Variants in ZBTB38 observed in about 807,000 individuals in gnomAD.
ZBTB38 encodes the protein zinc finger and BTB domain containing 38.
Under a neutral mutation model 76.8 loss-of-function variants are expected in ZBTB38, and 20 were observed. The ratio of observed to expected loss-of-function variants is 0.26; its 90% CI spans 0.18 to 0.38. The LOEUF (loss-of-function observed/expected upper bound fraction) is 0.38. ZBTB38 is among the 10% of genes least tolerant of loss of function. ZBTB38 has a pLI of 1.00. For synonymous variants in ZBTB38, 504 were observed against 544.2 expected (o/e 0.93, Z 1.03); for missense variants, 1,082 against 1,482.3 (o/e 0.73, Z 4.43).
At chr3:141,422,124 T>C (rs1446663205) in intron 5 of ZBTB38, among the ~76,000 whole-genome samples, 1 of 152,220 alleles carries the variant, frequency 6.6e-6, no homozygotes, top group Non-Finnish European at 1.5e-5. Context: ...CTAGCCTCCT[T>C]ACTAAGCCCA....
intron 1 of ZBTB38, among the ~76,000 whole-genome samples, chr3:141,351,691 G>T (rs1943519220): frequency 7.1e-6 from 1 of 140,690 alleles, no homozygotes. Context: ...CTGCACTCCA[G>T]CCTGGGTAAC....
rs373567561 is a variant in ZBTB38 at position 141,445,269 on chromosome 3, G to A, written c.2881G>A (p.Ala961Thr). 1.5e-5 allele frequency: 24 copies of A among 1,614,180 alleles called. No individual in the cohort carries two copies. The highest frequency in any genetic ancestry group is 1.1e-4 in the African/African-American group (8 of 75,046). Reference sequence around the variant, plus strand: ...TAAATACCCAGCAGAACTGGATTGCGCCGTGGGGAAGGCTCCTCAGGATAA... The same window carrying A: ...TAAATACCCAGCAGAACTGGATTGCACCGTGGGGAAGGCTCCTCAGGATAA... Reference protein sequence around the residue: ...KCKYPAELDCAVGKAPQDKPF... With the variant: ...KCKYPAELDCTVGKAPQDKPF... Residue 961 changes from alanine (A) to threonine (T), a missense_variant, in exon 6 of 6, where the codon GCC (alanine) becomes ACC (threonine). By Grantham distance (58) the Ala-to-Thr change is moderately conservative (BLOSUM62 0). Coordinates refer to ENST00000321464, the MANE Select transcript of ZBTB38 (RefSeq NM_001376113.1). This position sits in a 1 kb window ranked among gnomAD's most constrained non-coding sequence, Gnocchi z 6.5.
intron 5 of ZBTB38, among the ~76,000 whole-genome samples, chr3:141,430,227 G>A (rs1027268438): frequency 5.9e-5 from 9 of 152,004 alleles, no homozygotes; most frequent in Non-Finnish European, 1.0e-4. Flanking sequence ...TACCACACCC[G>A]GCTAATTTTT....
intron 1 of ZBTB38, among the ~76,000 whole-genome samples, chr3:141,349,811 A>G (rs1943467854): frequency 6.6e-6 from 1 of 152,176 alleles, no homozygotes; most frequent in African/African-American, 2.4e-5. Context: ...AAGATGAGAA[A>G]CAGAAGGGAA....
chr3:141,417,738 T>C (rs1007186065), intron 5 of ZBTB38, among the ~76,000 whole-genome samples: 1 of 152,190 alleles, frequency 6.6e-6, no homozygotes, highest in African/African-American at 2.4e-5. Flanking sequence ...AAGCCCAGGC[T>C]GTGCGCAGTG....
At chr3:141,417,073 TG>T (rs2074226365) in intron 5 of ZBTB38, among the ~76,000 whole-genome samples, 1 of 152,238 alleles carries the variant, frequency 6.6e-6, no homozygotes, top group East Asian at 1.9e-4. Flanking sequence ...AATGAGATTC[TG>T]GGGCCTTACC....
chr3:141,397,024 T>G (rs1047842084), intron 4 of ZBTB38, among the ~76,000 whole-genome samples: 1 of 152,216 alleles, frequency 6.6e-6, no homozygotes, highest in Admixed American at 6.5e-5. Context: ...TAATTGAAGT[T>G]TTGAAGCCAG....
intron 1 of ZBTB38, among the ~76,000 whole-genome samples, chr3:141,331,682 G>T (rs1364564693): frequency 6.6e-6 from 1 of 152,234 alleles, no homozygotes; most frequent in African/African-American, 2.4e-5. Flanking sequence ...TAGGCTGCAA[G>T]TGTGTCATAG....
At chr3:141,371,154 G>A (rs1407643524) in intron 2 of ZBTB38, among the ~76,000 whole-genome samples, 1 of 142,118 alleles carries the variant, frequency 7.0e-6, no homozygotes, top group Admixed American at 7.4e-5. Context: ...CCAGGTTCAA[G>A]TGATTCTACT....
At chr3:141,379,335 G>A (rs2149139846) in intron 2 of ZBTB38, among the ~76,000 whole-genome samples, 1 of 152,304 alleles carries the variant, frequency 6.6e-6, no homozygotes. Flanking sequence ...TTACTCCCAG[G>A]TTCTGCAGAG....
At chr3:141,440,076 C>T (rs927733531) in intron 5 of ZBTB38, among the ~76,000 whole-genome samples, 1 of 152,118 alleles carries the variant, frequency 6.6e-6, no homozygotes, top group Non-Finnish European at 1.5e-5. Flanking sequence ...TAGAAATAAT[C>T]CCCCATACTT....
chr3:141,414,734 A>G (rs1303074736), intron 5 of ZBTB38, among the ~76,000 whole-genome samples: 1 of 152,182 alleles, frequency 6.6e-6, no homozygotes, highest in Non-Finnish European at 1.5e-5. Context: ...GCATCAGGTG[A>G]TGGATGACAG....
At chr3:141,403,567 A>G (rs1458188718) in intron 4 of ZBTB38, among the ~76,000 whole-genome samples, 1 of 152,244 alleles carries the variant, frequency 6.6e-6, no homozygotes, top group Non-Finnish European at 1.5e-5. Context: ...TATAATGTAA[A>G]TTTTTAAAAC....
At chr3:141,399,274 C>T (rs1951133275) in intron 4 of ZBTB38, among the ~76,000 whole-genome samples, 1 of 152,138 alleles carries the variant, frequency 6.6e-6, no homozygotes, top group Admixed American at 6.5e-5. Context: ...TCCCCACCTC[C>T]CAACCCCATT....
At chr3:141,378,319 C>A (rs1275308791) in intron 2 of ZBTB38, among the ~76,000 whole-genome samples, 1 of 152,126 alleles carries the variant, frequency 6.6e-6, no homozygotes, top group African/African-American at 2.4e-5. Flanking sequence ...ATCACTCCAG[C>A]CTGCACATGT....
intron 5 of ZBTB38, among the ~76,000 whole-genome samples, chr3:141,407,070 T>A (rs1433030825): frequency 6.6e-6 from 1 of 152,254 alleles, no homozygotes. Context: ...ATAGTAGTCA[T>A]ACACTGTATT....
In ZBTB38 at chr3:141,428,728, G is replaced by A. The variant is rs547843711; in HGVS notation, c.1-13661G>A. ...TGACCTCAGATGATCCTCCTGCCTC[G>A]GCCTCCCAAAGTGCTGGGATTACAG... On this transcript the variant is annotated intron_variant, in intron 5 of 5. Transcript: ENST00000321464. Among the ~76,000 whole-genome samples, 9 of 152,140 alleles carry A rather than the reference G, an allele frequency of 5.9e-5. No individual in the cohort carries two copies. In the South Asian group the frequency reaches 1.5e-3, roughly 25 times the overall value.
chr3:141,409,996 C>T (rs913932913), intron 5 of ZBTB38, among the ~76,000 whole-genome samples: 3 of 152,170 alleles, frequency 2.0e-5, no homozygotes, highest in Admixed American at 6.5e-5. Flanking sequence ...GGAATTGTTC[C>T]CAGCATGACT....
At chr3:141,405,462 G>A (rs939065384) in intron 5 of ZBTB38, among the ~76,000 whole-genome samples, 8 of 152,198 alleles carry the variant, frequency 5.3e-5, no homozygotes, top group Admixed American at 6.5e-5. Context: ...CCAAGAAAAA[G>A]CAGTTTGGCA....
Sources: gnomAD v4.1 joint callset for allele counts (sites outside exome capture counted in the v4.1 genomes callset) on GRCh38, gnomAD v4.1.1 for gene constraint, Gnocchi (gnomAD v3.1) non-coding constraint, MANE v1.5 for transcripts, NCBI Gene and HGNC (gene_info 2026-07-23, HGNC 2026-07-21) for gene names.